Variants in WASF3 observed in about 807,000 individuals in gnomAD.
The protein encoded by WASF3 is actin-binding protein WASF3.
In WASF3, 11 loss-of-function variants were observed where a neutral mutation model predicts 46.6. The observed-to-expected ratio is 0.24, with a 90% CI of 0.15 to 0.39. The LOEUF is 0.39. WASF3 is among the 10% of genes least tolerant of loss of function. The probability of loss-of-function intolerance (pLI) is 1.00; values close to 1 mark genes in which losing one functional copy is unlikely to be tolerated. For missense variants in WASF3, 576 were observed against 669.8 expected, an observed-to-expected ratio of 0.86 and a Z score of 1.55; for synonymous variants, 242 against 259.7, an observed-to-expected ratio of 0.93 and a Z score of 0.65.
In WASF3 at chr13:26,671,452, T is replaced by C. The variant is rs73168097; in HGVS notation, c.423-420T>C. ...AGAGATAAGAGTACTTACTAATTTT[T>C]ATCCTAATGATATTGAAGCTCCAGT... On this transcript the variant is annotated intron_variant, in intron 5 of 9. Coordinates refer to ENST00000335327, the MANE Select transcript of WASF3 (RefSeq NM_006646.6). Among the ~76,000 whole-genome samples the C allele has an allele frequency of 8.9e-3, 1,356 of 152,340 alleles. 10 individuals carry two copies. The highest frequency in any genetic ancestry group is 0.017 in the Middle Eastern group (5 of 294).
chr13:26,539,803 G>A, the WASF3 span, among the ~76,000 whole-genome samples: 1 of 152,174 alleles, frequency 6.6e-6, no homozygotes, highest in African/African-American at 2.4e-5. Context: ...CCCATTCCTG[G>A]TCTTGGCTTC....
chr13:26,584,083 G>T (rs1880060427), intron 1 of WASF3, among the ~76,000 whole-genome samples: 1 of 152,174 alleles, frequency 6.6e-6, no homozygotes, highest in African/African-American at 2.4e-5. Flanking sequence ...AATTGGTTTT[G>T]CAGGATTATG....
chr13:26,594,833 C>G (rs1230515242), intron 1 of WASF3, among the ~76,000 whole-genome samples: 2 of 151,856 alleles, frequency 1.3e-5, no homozygotes, highest in Admixed American at 6.6e-5. Context: ...CATTGTCTGT[C>G]TTCCTCATTC....
At chr13:26,553,911 T>C (rs1455760696), upstream of WASF3, among the ~76,000 whole-genome samples, 1 of 152,038 alleles carries the variant, frequency 6.6e-6, no homozygotes, top group Non-Finnish European at 1.5e-5. Flanking sequence ...GTGTTCCTTC[T>C]ACCATTCTTT....
intron 5 of WASF3, 75 bp from the exon 6 acceptor site, chr13:26,671,797 C>T: frequency 3.0e-6 from 3 of 987,602 alleles, no homozygotes; most frequent in South Asian, 1.6e-5. Flanking sequence ...GAGTTCAAAT[C>T]AAGTTAACAT....
Position 26,612,947 on chromosome 13 carries a change from T to C in WASF3, c.-108-14T>C, listed in dbSNP as rs1045209670. On this transcript the variant is annotated splice_polypyrimidine_tract_variant and intron_variant, in intron 1 of 9. Transcript: ENST00000335327. ...TTGCCTACTGGTAATTAATTTTTTT[T>C]CTTTTCTTTGTAGTTTTAGTTTTGA... is the stretch of plus-strand genomic sequence containing the variant. 1.3e-5 allele frequency: 2 copies of C among 152,140 alleles called. No individual in the cohort carries two copies. Among genetic ancestry groups the C allele is most frequent in the Non-Finnish European group, 2.9e-5 (2 of 68,006 alleles). The allele number at this position is 152,140 out of a possible 1,614,324, so 9.4% of individuals were successfully genotyped here.
chr13:26,613,189 T>A (rs1881029159), intron 2 of WASF3, 131 bp downstream of exon 2: 1 of 150,338 alleles, frequency 6.7e-6, no homozygotes, highest in Non-Finnish European at 1.5e-5. Flanking sequence ...ATTAATATAC[T>A]TTAATATATA....
At chr13:26,572,132 A>T (rs558531540) in intron 1 of WASF3, among the ~76,000 whole-genome samples, 1 of 152,304 alleles carries the variant, frequency 6.6e-6, no homozygotes, top group South Asian at 2.1e-4. Context: ...GTCATCAACC[A>T]CTAGAGAGTT....
chr13:26,603,145 G>A (rs145317233), intron 1 of WASF3, among the ~76,000 whole-genome samples: 15 of 152,304 alleles, frequency 9.8e-5, no homozygotes, highest in African/African-American at 3.6e-4. Context: ...GGAGCTGCAG[G>A]TATAAGCTGA....
At chr13:26,603,756 T>C (rs997394133) in intron 1 of WASF3, among the ~76,000 whole-genome samples, 1 of 152,220 alleles carries the variant, frequency 6.6e-6, no homozygotes, top group Non-Finnish European at 1.5e-5. Flanking sequence ...ATTTTCTGGT[T>C]GGAGACAGGA....
intron 1 of WASF3, chr13:26,577,464 GA>G: frequency 1.1e-6 from 1 of 901,532 alleles, no homozygotes. Flanking sequence ...GACAGCATTG[GA>G]AAAGACATAG....
At chr13:26,611,941 T>G (rs1880994811) in intron 1 of WASF3, among the ~76,000 whole-genome samples, 1 of 152,122 alleles carries the variant, frequency 6.6e-6, no homozygotes, top group Non-Finnish European at 1.5e-5. Flanking sequence ...ATAATTCTTT[T>G]TAGTAGACTC....
In WASF3 at chr13:26,671,945, C is replaced by G. The variant is rs201683994; in HGVS notation, c.496C>G (p.Leu166Val). The G allele has an allele frequency of 3.8e-5, 62 of 1,610,708 alleles. No homozygotes were observed. The highest frequency in any genetic ancestry group is 5.3e-5 in the Non-Finnish European group (62 of 1,179,212). ...YFFDLWKEKM[L>V]QDTEDKRKEK... ...CTTTGACCTCTGGAAAGAAAAAATGCTACAGGACACAGAAGACAAAAGGAA... is the reference window on the plus strand; with the variant it reads ...CTTTGACCTCTGGAAAGAAAAAATGGTACAGGACACAGAAGACAAAAGGAA... The change falls in exon 6 of 10, where the codon CTA becomes GTA. Residue 166 changes from leucine (L) to valine (V), a missense_variant. Coordinates refer to ENST00000335327, the MANE Select transcript of WASF3 (RefSeq NM_006646.6).
chr13:26,675,505 CA>C (rs1883040396), intron 6 of WASF3, among the ~76,000 whole-genome samples: 1 of 151,600 alleles, frequency 6.6e-6, no homozygotes, highest in Non-Finnish European at 1.5e-5. Flanking sequence ...CACACACACA[CA>C]CACACACACA....
At chr13:26,601,033 TTATA>T (rs1440555165) in intron 1 of WASF3, among the ~76,000 whole-genome samples, 1 of 152,190 alleles carries the variant, frequency 6.6e-6, no homozygotes, top group Admixed American at 6.5e-5. Flanking sequence ...TTTTGTGGGT[TTATA>T]TAGTGTATTT....
intron 3 of WASF3, among the ~76,000 whole-genome samples, chr13:26,663,011 C>CG (rs1882676182): frequency 6.6e-6 from 1 of 151,744 alleles, no homozygotes; most frequent in South Asian, 2.1e-4. Context: ...TGCATGGGTT[C>CG]GGGGGTGGGA....
intron 1 of WASF3, among the ~76,000 whole-genome samples, chr13:26,594,946 T>C (rs1442923868): frequency 6.6e-6 from 1 of 152,234 alleles, no homozygotes; most frequent in East Asian, 1.9e-4. Flanking sequence ...GAAGTCTTTC[T>C]TTACCTACCA....
intron 2 of WASF3, among the ~76,000 whole-genome samples, chr13:26,625,133 C>A (rs1365263979): frequency 6.6e-6 from 1 of 151,802 alleles, no homozygotes; most frequent in African/African-American, 2.4e-5. Context: ...TTGTCCAGAG[C>A]AAAAACAATA....
At chr13:26,680,162 A>G in intron 7 of WASF3, 3 of 1,595,870 alleles carry the variant, frequency 1.9e-6, no homozygotes, top group Non-Finnish European at 2.5e-6. Flanking sequence ...AAGAAACTGG[A>G]GCAGGCAGGG....
Sources: allele counts gnomAD v4.1 joint callset (sites outside exome capture counted in the v4.1 genomes callset), GRCh38; gene constraint gnomAD v4.1.1; transcripts MANE v1.5; gene names NCBI Gene and HGNC (gene_info 2026-07-23, HGNC 2026-07-21).